ALDH3A2: variants seen among roughly 807,000 people sequenced by gnomAD.
ALDH3A2 encodes aldehyde dehydrogenase family 3 member A2.
ALDH3A2 carries 36 observed loss-of-function variants against 51.3 expected under a neutral mutation model. The ratio of observed to expected loss-of-function variants is 0.70; its 90% CI spans 0.54 to 0.93. The LOEUF is 0.93. ALDH3A2 is among the 40% of genes least tolerant of loss of function. The pLI, the probability that ALDH3A2 is intolerant of heterozygous loss-of-function variation, is 0.00. For synonymous variants in ALDH3A2, 199 were observed against 219.8 expected, an observed-to-expected ratio of 0.91 and a Z score of 0.84; for missense variants, 552 against 603.1, an observed-to-expected ratio of 0.92 and a Z score of 0.89.
chr17:19,660,261 G>A (rs182118167), intron 5 of ALDH3A2, among the ~76,000 whole-genome samples: 5 of 152,106 alleles, frequency 3.3e-5, no homozygotes, highest in African/African-American at 1.2e-4. Context: ...GATTCAGCTC[G>A]TCTGAGGCCT....
At chr17:19,667,292 T>G (rs2085051954) in intron 8 of ALDH3A2, among the ~76,000 whole-genome samples, 1 of 152,228 alleles carries the variant, frequency 6.6e-6, no homozygotes. Flanking sequence ...ATGTGGCATA[T>G]TTATGTAACC....
intron 5 of ALDH3A2, 128 bp from the exon 6 acceptor site, chr17:19,660,999 G>C (rs1249250801): frequency 1.3e-5 from 12 of 910,300 alleles, no homozygotes; most frequent in Non-Finnish European, 2.1e-5. Context: ...AATTACTTGA[G>C]GGGTGGGGTG....
chr17:19,653,592 C>T (rs1193591741), intron 3 of ALDH3A2, among the ~76,000 whole-genome samples: 1 of 151,096 alleles, frequency 6.6e-6, no homozygotes, highest in Non-Finnish European at 1.5e-5. Flanking sequence ...TTCCTCCTGT[C>T]TGGAGTTGTT....
In ALDH3A2 at chr17:19,659,823, G is replaced by A. The variant is rs1199261074; in HGVS notation, c.799-1304G>A. 3.3e-5 allele frequency: 5 copies of A among 149,864 alleles called. No individual in the cohort carries two copies. The Admixed American group carries it at 3.3e-4, about 10-fold the overall frequency. 9.3% of individuals were successfully genotyped at this position (149,864 alleles called of 1,614,324 possible). ...TGTGCCACTGGACTCCAGCCTGGGT[G>A]ACAGAGTGAGACCCTGTCTCAAAAA... On this transcript the variant is annotated intron_variant, in intron 5 of 9. Transcript: ENST00000176643.
chr17:19,661,556 T>C (rs2084966826), intron 6 of ALDH3A2: 1 of 360,812 alleles, frequency 2.8e-6, no homozygotes, highest in South Asian at 3.2e-5. Context: ...CTTGATGTAA[T>C]TATCTGTAGT....
chr17:19,673,394 T>A, intron 9 of ALDH3A2: 2 of 1,317,660 alleles, frequency 1.5e-6, no homozygotes, highest in Non-Finnish European at 1.0e-6. Context: ...TTGTTTTTTT[T>A]TTGCTACAGT....
At chr17:19,658,891 A>C (rs949188648) in intron 5 of ALDH3A2, among the ~76,000 whole-genome samples, 1 of 152,144 alleles carries the variant, frequency 6.6e-6, no homozygotes, top group Non-Finnish European at 1.5e-5. Flanking sequence ...ATTGAGCACT[A>C]AAAGGAAGGA....
intron 5 of ALDH3A2, among the ~76,000 whole-genome samples, chr17:19,659,933 G>A (rs1334520721): frequency 6.6e-6 from 1 of 152,012 alleles, no homozygotes; most frequent in Non-Finnish European, 1.5e-5. Context: ...TGGGGGATGA[G>A]GTGCTAGGGT....
At chr17:19,673,607 A>G (rs1351986465) in intron 9 of ALDH3A2, among the ~76,000 whole-genome samples, 1 of 152,074 alleles carries the variant, frequency 6.6e-6, no homozygotes, top group Non-Finnish European at 1.5e-5. Context: ...AGTCCCAGCT[A>G]CTAGGGAGGC....
Position 19,677,189 on chromosome 17 carries a change from C to G in ALDH3A2, c.*1617C>G, listed in dbSNP as rs1291712078. The stretch of plus-strand genomic sequence containing the variant: ...CTCTGTCCCCACACTCAAAAAGACT[C>G]AGCTCACTCAATGAGAGAATGTGAT... On this transcript the variant is annotated 3_prime_UTR_variant, in exon 10 of 10. Coordinates refer to ENST00000176643, the MANE Select transcript of ALDH3A2 (RefSeq NM_000382.3). 1 of 152,228 alleles carries G rather than the reference C, an allele frequency of 6.6e-6. No homozygotes were observed. Among genetic ancestry groups the G allele is most frequent in the Non-Finnish European group, 1.5e-5 (1 of 68,040 alleles). The allele number at this position is 152,228 out of a possible 1,614,324, so 9.4% of individuals were successfully genotyped here.
At chr17:19,669,738 A>G (rs2085086692) in intron 8 of ALDH3A2, among the ~76,000 whole-genome samples, 1 of 152,076 alleles carries the variant, frequency 6.6e-6, no homozygotes, top group Non-Finnish European at 1.5e-5. Flanking sequence ...AGGCTCAAAC[A>G]ATCTTCCCGC....
At chr17:19,673,816 C>T (rs1031062071) in intron 9 of ALDH3A2, among the ~76,000 whole-genome samples, 1 of 152,192 alleles carries the variant, frequency 6.6e-6, no homozygotes, top group Non-Finnish European at 1.5e-5. Context: ...CACTTATCCA[C>T]AATTTTAAAA....
rs771930129 is a variant in ALDH3A2, at chr17:19,651,583, G to C, written c.190G>C (p.Val64Leu). ...TGTGTACAGTCAGGAAGTCATTACT[G>C]TCCTTGGGGAAATTGATTTTATGCT... is the stretch of plus-strand genomic sequence containing the variant. ...FNVYSQEVITVLGEIDFMLEN... is the reference protein window; with the variant it reads ...FNVYSQEVITLLGEIDFMLEN... Residue 64 changes from valine to leucine, a missense_variant, in exon 2 of 10, where the codon GTC becomes CTC. Coordinates refer to ENST00000176643, the MANE Select transcript of ALDH3A2 (RefSeq NM_000382.3). 3 of 1,614,162 alleles carry C rather than the reference G, an allele frequency of 1.9e-6. No homozygotes were observed. The South Asian group carries it at 3.3e-5, about 18-fold the overall frequency.
chr17:19,663,097 T>C (rs931259721), intron 6 of ALDH3A2, among the ~76,000 whole-genome samples: 8 of 152,132 alleles, frequency 5.3e-5, no homozygotes, highest in African/African-American at 1.9e-4. Context: ...GAAAAAGATA[T>C]ATTTGAGTGT....
intron 8 of ALDH3A2, among the ~76,000 whole-genome samples, chr17:19,665,764 C>T (rs1450007155): frequency 6.6e-6 from 1 of 152,214 alleles, no homozygotes; most frequent in Non-Finnish European, 1.5e-5. Context: ...GGCTTTTCTA[C>T]TCTCTACTAG....
At chr17:19,648,234 C>T (rs895002300), upstream of ALDH3A2, 4 of 152,392 alleles carry the variant, frequency 2.6e-5, no homozygotes, top group African/African-American at 9.6e-5. Flanking sequence ...GCTTCCCGCC[C>T]TCAGGGACTA....
At chr17:19,657,956 C>T in intron 5 of ALDH3A2, 94 bp downstream of exon 5, 1 of 1,039,938 alleles carries the variant, frequency 9.6e-7, no homozygotes, top group South Asian at 1.3e-5. Flanking sequence ...TTTCTCCCTT[C>T]AGGAAAATTT....
intron 9 of ALDH3A2, 92 bp downstream of exon 9, chr17:19,672,048 T>C (rs1567607555): frequency 8.1e-7 from 1 of 1,231,000 alleles, no homozygotes; most frequent in Non-Finnish European, 1.2e-6. Flanking sequence ...CATTAACTTG[T>C]AGAGTCTAAG....
rs779401237 is a variant in ALDH3A2, at chr17:19,649,065, A to C, written c.94A>C (p.Arg32=). 7 of 1,583,852 alleles carry C rather than the reference A, an allele frequency of 4.4e-6. No homozygotes were observed. The highest frequency in any genetic ancestry group is 6.0e-6 in the Non-Finnish European group (7 of 1,165,568). ...FRLQQLEALR[R]MVQEREKDIL... is the part of the protein sequence containing the mutation. ...GCTGCAGCAGCTGGAGGCCCTGCGG[A>C]GGATGGTGCAGGAGCGCGAGAAGGA... The change falls in exon 1 of 10, where the codon AGG becomes CGG. Residue 32 remains arginine (R), a synonymous_variant. Transcript: ENST00000176643.
Sources: gnomAD v4.1 joint callset for allele counts (sites outside exome capture counted in the v4.1 genomes callset) on GRCh38, gnomAD v4.1.1 for gene constraint, MANE v1.5 for transcripts, NCBI Gene and HGNC (gene_info 2026-07-23, HGNC 2026-07-21) for gene names.